MSI2: variants seen among roughly 807,000 people sequenced by gnomAD.
MSI2 encodes the protein RNA-binding protein Musashi homolog 2.
In MSI2, 17 loss-of-function variants were observed where a neutral mutation model predicts 45.6. The observed-to-expected ratio is 0.37, with a 90% CI of 0.26 to 0.56. MSI2 has a LOEUF of 0.56. Among genes scored for constraint, MSI2 ranks in the 20% least tolerant of loss-of-function variants. MSI2 has a pLI of 0.77. For synonymous variants in MSI2, 156 were observed against 158.2 expected, an observed-to-expected ratio of 0.99 and a Z score of 0.11; for missense variants, 293 against 444.2, an observed-to-expected ratio of 0.66 and a Z score of 3.06.
At position 57,552,971 on chromosome 17, in the gene MSI2, C is replaced by T. The variant is rs2087340992; in HGVS notation, c.454+23247C>T. 6.6e-6 allele frequency among the ~76,000 whole-genome samples: 1 copy of T among 152,198 alleles called. No individual in the cohort carries two copies. The highest frequency in any genetic ancestry group is 1.5e-5 in the Non-Finnish European group (1 of 68,034). On this transcript the variant is annotated intron_variant, in intron 7 of 13. Transcript: ENST00000284073. The surrounding 1 kb of genome is among the most constrained non-coding windows in gnomAD (Gnocchi z 4.3). ...AGGCTGATACTGGTCTTTGAATGAACTCTTTACCCCACCAAAAGTAGAAAA... is the reference window on the plus strand; with the variant it reads ...AGGCTGATACTGGTCTTTGAATGAATTCTTTACCCCACCAAAAGTAGAAAA...
chr17:57,616,847 A>G (rs1907762932), intron 9 of MSI2, among the ~76,000 whole-genome samples: 1 of 151,882 alleles, frequency 6.6e-6, no homozygotes, highest in African/African-American at 2.4e-5. Context: ...AACAATAATT[A>G]GAAATTTAAA....
At chr17:57,400,919 A>G (rs892094137) in intron 5 of MSI2, among the ~76,000 whole-genome samples, 3 of 152,164 alleles carry the variant, frequency 2.0e-5, no homozygotes, top group African/African-American at 7.2e-5. Flanking sequence ...GCAGACGTAT[A>G]CCAGCACCAA....
chr17:57,636,159 G>A (rs1029799843), intron 10 of MSI2, among the ~76,000 whole-genome samples: 36 of 152,230 alleles, frequency 2.4e-4, no homozygotes, highest in African/African-American at 8.2e-4. Flanking sequence ...CTTGTGGTCC[G>A]TCTTAGCCTG....
intron 7 of MSI2, among the ~76,000 whole-genome samples, chr17:57,555,169 G>GC (rs1021876967): frequency 5.3e-5 from 8 of 152,174 alleles, no homozygotes; most frequent in African/African-American, 1.4e-4. Context: ...TGAGGCTTCA[G>GC]CCCGGGCCCC....
At chr17:57,443,500 A>C (rs925507229) in intron 6 of MSI2, among the ~76,000 whole-genome samples, 1 of 152,176 alleles carries the variant, frequency 6.6e-6, no homozygotes, top group African/African-American at 2.4e-5. Flanking sequence ...TTGAGTGGGA[A>C]AGCCCTAGAA....
chr17:57,417,940 C>G (rs1259033893), intron 6 of MSI2, among the ~76,000 whole-genome samples: 1 of 152,188 alleles, frequency 6.6e-6, no homozygotes, highest in African/African-American at 2.4e-5. Flanking sequence ...TTGTTCCTTC[C>G]TCCCTGTGTC....
At chr17:57,460,678 G>A (rs147081225) in intron 6 of MSI2, among the ~76,000 whole-genome samples, 184 of 152,268 alleles carry the variant, frequency 1.2e-3, no homozygotes, top group Non-Finnish European at 2.1e-3. Context: ...AGGAACCATG[G>A]CAGTAGGGTG....
At chr17:57,555,605 A>C (rs1386350830) in intron 7 of MSI2, among the ~76,000 whole-genome samples, 2 of 149,888 alleles carry the variant, frequency 1.3e-5, no homozygotes, top group African/African-American at 2.5e-5. Flanking sequence ...TCCCTCCTGA[A>C]CCCCCTGAGC....
At chr17:57,609,385 T>C (rs1907001550) in intron 8 of MSI2, among the ~76,000 whole-genome samples, 1 of 152,198 alleles carries the variant, frequency 6.6e-6, no homozygotes, top group African/African-American at 2.4e-5. Context: ...ACGGTCAAGG[T>C]TGATACCTGA....
At chr17:57,455,278 G>A (rs1399920061) in intron 6 of MSI2, among the ~76,000 whole-genome samples, 1 of 152,212 alleles carries the variant, frequency 6.6e-6, no homozygotes, top group Non-Finnish European at 1.5e-5. Context: ...GAATAATGCA[G>A]TGAAGCCCCT....
At chr17:57,334,209 A>T (rs1914509226) in intron 5 of MSI2, among the ~76,000 whole-genome samples, 1 of 152,174 alleles carries the variant, frequency 6.6e-6, no homozygotes, top group Admixed American at 6.5e-5. Flanking sequence ...GTTTAGAAAA[A>T]GCCCCCTCGA....
At chr17:57,258,797 C>G (rs561122291) in intron 4 of MSI2, among the ~76,000 whole-genome samples, 4 of 152,122 alleles carry the variant, frequency 2.6e-5, no homozygotes, top group Non-Finnish European at 4.4e-5. Flanking sequence ...AATTACAGGT[C>G]CAGGCAACAG....
intron 8 of MSI2, among the ~76,000 whole-genome samples, chr17:57,598,662 C>A (rs1905508552): frequency 6.7e-6 from 1 of 149,366 alleles, no homozygotes; most frequent in Non-Finnish European, 1.5e-5. Context: ...TTACTACTTG[C>A]TATTTTTTTT....
At chr17:57,616,824 T>G (rs1907759578) in intron 9 of MSI2, among the ~76,000 whole-genome samples, 1 of 152,202 alleles carries the variant, frequency 6.6e-6, no homozygotes, top group East Asian at 1.9e-4. Context: ...AGATGCGTAA[T>G]GGTGTAGGTC....
At chr17:57,406,942 C>T (rs1335595385) in intron 6 of MSI2, 1 of 152,180 alleles carries the variant, frequency 6.6e-6, no homozygotes. Flanking sequence ...GCCAGCCCCT[C>T]ACTGTGGTGG....
intron 6 of MSI2, among the ~76,000 whole-genome samples, chr17:57,507,902 TC>T: frequency 6.6e-6 from 1 of 152,172 alleles, no homozygotes. Context: ...CACCTCAGCC[TC>T]CCAAAGTCCT....
At chr17:57,654,312 C>T (rs891016515) in intron 11 of MSI2, among the ~76,000 whole-genome samples, 2 of 152,218 alleles carry the variant, frequency 1.3e-5, no homozygotes, top group African/African-American at 2.4e-5. Flanking sequence ...AGCCAGGCTA[C>T]CCTAGTTCCT....
intron 6 of MSI2, among the ~76,000 whole-genome samples, chr17:57,421,900 A>G (rs1245457997): frequency 6.6e-6 from 1 of 151,822 alleles, no homozygotes; most frequent in Admixed American, 6.6e-5. Flanking sequence ...TAGAAATCAC[A>G]CCTTGGTGAA....
At chr17:57,528,357 T>G (rs2144053695) in intron 6 of MSI2, among the ~76,000 whole-genome samples, 1 of 151,840 alleles carries the variant, frequency 6.6e-6, no homozygotes, top group Admixed American at 6.6e-5. Flanking sequence ...TACGTGGGAG[T>G]TGAGTGTGGA....
Sources: gnomAD v4.1 joint callset for allele counts (sites outside exome capture counted in the v4.1 genomes callset) on GRCh38, gnomAD v4.1.1 for gene constraint, Gnocchi (gnomAD v3.1) non-coding constraint, MANE v1.5 for transcripts, NCBI Gene and HGNC (gene_info 2026-07-23, HGNC 2026-07-21) for gene names.